The following CHPF2 variants were observed in gnomAD, a reference collection of about 807,000 sequenced individuals.
CHPF2 encodes chondroitin polymerizing factor 2.
Under a neutral mutation model 63.0 loss-of-function variants are expected in CHPF2, and 58 were observed. That is an observed-to-expected ratio of 0.92 (90% CI 0.75 to 1.15). CHPF2 has a LOEUF of 1.15. Ranked by LOEUF, CHPF2 falls within the 50% of genes most tolerant of loss-of-function variation. The pLI is 0.00. For missense variants in CHPF2, 1,045 were observed against 1,035.4 expected (o/e 1.01, Z -0.13); for synonymous variants, 442 against 438.0 (o/e 1.01, Z -0.11).
Position 151,236,495 on chromosome 7 carries a change from C to T in CHPF2, c.916C>T (p.His306Tyr), listed in dbSNP as rs1427977664. Residue 306 changes from histidine to tyrosine, a missense_variant, in exon 3 of 4, where the codon CAC (histidine) becomes TAC (tyrosine). Transcript: ENST00000035307. Reference protein sequence around the residue: ...SSAFLSAFAVHPVSEGTLMYR... With the variant: ...SSAFLSAFAVYPVSEGTLMYR... ...GGCTTTCCTGAGTGCCTTCGCCGTG[C>T]ACCCTGTCTCCGAAGGTACCCTCAT... 2 of 1,611,482 alleles carry T rather than the reference C, an allele frequency of 1.2e-6. No homozygotes were observed. The highest frequency in any genetic ancestry group is 1.3e-5 in the African/African-American group (1 of 75,028).
rs769785056 is a variant in CHPF2, at chr7:151,237,773, C to T, written c.1411C>T (p.Pro471Ser). 6.2e-7 allele frequency: 1 copy of T among 1,612,460 alleles called. No homozygotes were observed. The highest frequency in any genetic ancestry group is 8.5e-7 in the Non-Finnish European group (1 of 1,179,894). The change falls in exon 4 of 4, where the codon CCA (proline) becomes TCA (serine). Residue 471 changes from proline to serine, a missense_variant. Pro to Ser is a moderately conservative substitution (Grantham distance 74). Coordinates refer to ENST00000035307, the MANE Select transcript of CHPF2 (RefSeq NM_019015.3). ...GGCTCGCAGGGTCAGCCTGCTGCGG[C>T]CACTGAGCCGGGTGGAAATCCTACC... ...ALARRVSLLR[P>S]LSRVEILPMP... is the part of the protein sequence containing the mutation.
intron 3 of CHPF2, 105 bp downstream of exon 3, chr7:151,236,695 G>C: frequency 9.1e-7 from 1 of 1,104,952 alleles, no homozygotes; most frequent in Non-Finnish European, 1.3e-6. Context: ...GTGGGGCTGG[G>C]CTAGGCCCTG....
chr7:151,234,335 C>G, intron 1 of CHPF2, 61 bp downstream of exon 1: 1 of 1,300,104 alleles, frequency 7.7e-7, no homozygotes, highest in Non-Finnish European at 1.0e-6. Context: ...TGGTGTAAAT[C>G]CTTGCCTCTG....
rs79392353 is a variant in CHPF2 at position 151,236,331 on chromosome 7, A to T, written c.829-77A>T. On this transcript the variant is annotated intron_variant, in intron 2 of 3. Transcript: ENST00000035307. ...AACGCAGCAGTGCTAACAGATGTGA[A>T]CACTGAGTATGGTTAAGGGCGGTTT... The T allele has an allele frequency of 3.8e-3, 4,908 of 1,285,808 alleles. 121 individuals carry two copies. In the African/African-American group the frequency reaches 0.058, roughly 15 times the overall value. 79.6% of individuals were successfully genotyped at this position (1,285,808 alleles called of 1,614,324 possible).
At position 151,235,513 on chromosome 7, in the gene CHPF2, G is replaced by A. The variant is rs1209720392; in HGVS notation, c.729G>A (p.Leu243=). The stretch of plus-strand genomic sequence containing the variant: ...TCCTGCTTCGTCTGCGGCCACATCT[G>A]GATGGCTGCCGAGGAGACATTCTCA... ...RSLLLRLRPH[L]DGCRGDILSA... is the part of the protein sequence containing the mutation. The change falls in exon 2 of 4, where the codon CTG becomes CTA. Residue 243 remains leucine (L), a synonymous_variant. Transcript: ENST00000035307. 1 of 1,611,456 alleles carries A rather than the reference G, an allele frequency of 6.2e-7. No individual in the cohort carries two copies. Among genetic ancestry groups the A allele is most frequent in the South Asian group, 1.1e-5 (1 of 91,084 alleles).
At position 151,236,627 on chromosome 7, in the gene CHPF2, G is replaced by A. The variant is rs543115922; in HGVS notation, c.1011+37G>A. ...AGGAGCAGGTGGGCAGAGGACCGCA[G>A]TCAGAGGGTCAGAGAGAGCCTGAGA... On this transcript the variant is annotated intron_variant, in intron 3 of 3. Transcript: ENST00000035307. The A allele has an allele frequency of 5.8e-5, 87 of 1,492,816 alleles. 1 individual carries two copies. In the South Asian group the frequency reaches 1.1e-3, roughly 19 times the overall value. 92.5% of individuals were successfully genotyped at this position (1,492,816 alleles called of 1,614,324 possible).
chr7:151,234,610 G>A (rs1213265106), intron 1 of CHPF2, among the ~76,000 whole-genome samples: 1 of 152,122 alleles, frequency 6.6e-6, no homozygotes, highest in Non-Finnish European at 1.5e-5. Context: ...TCCTGCCTCA[G>A]CCTTGCGAGT....
Position 151,238,581 on chromosome 7 carries a change from A to G in CHPF2, c.2219A>G (p.Glu740Gly), listed in dbSNP as rs753160197. Residue 740 changes from glutamate to glycine, a missense_variant, in exon 4 of 4, where the codon GAA becomes GGA. Transcript: ENST00000035307. ...GACTGCAGCCCACGGCTCAGTGAAG[A>G]ACTCTACCACCGCTGCCGCCTCAGC... Reference protein sequence around the residue: ...LRDCSPRLSEELYHRCRLSNL... With the variant: ...LRDCSPRLSEGLYHRCRLSNL... 1.4e-5 allele frequency: 23 copies of G among 1,613,096 alleles called. No homozygotes were observed. Among genetic ancestry groups the G allele is most frequent in the Non-Finnish European group, 1.9e-5 (23 of 1,179,554 alleles).
In CHPF2 at chr7:151,233,009, G is replaced by T; in HGVS notation, c.-1003G>T. 1.6e-6 allele frequency: 2 copies of T among 1,274,988 alleles called. No homozygotes were observed. Among genetic ancestry groups the T allele is most frequent in the Non-Finnish European group, 2.0e-6 (2 of 1,010,022 alleles). 79.0% of individuals were successfully genotyped at this position (1,274,988 alleles called of 1,614,324 possible). On this transcript the variant is annotated 5_prime_UTR_variant, in exon 1 of 4. The change creates a new upstream start codon in the 5' untranslated region. Transcript: ENST00000035307. ...TCTCTGATCGCCGAGAGGTAGCGCA[G>T]GGGCTGTGGGCCCCCGGCAGGGGTC... is the stretch of plus-strand genomic sequence containing the variant.
At position 151,233,459 on chromosome 7, in the gene CHPF2, C is replaced by A; in HGVS notation, c.-553C>A. 1.0e-6 allele frequency: 1 copy of A among 985,698 alleles called. No homozygotes were observed. The highest frequency in any genetic ancestry group is 4.7e-5 in the South Asian group (1 of 21,300). The allele number at this position is 985,698 out of a possible 1,614,324, so 61.1% of individuals were successfully genotyped here. Reference sequence around the variant, plus strand: ...CTTCCCTTGTGCCCACCGGGCCTGCCGCAGTGGCTCAGCAGCCCCTTCAGT... The same window carrying A: ...CTTCCCTTGTGCCCACCGGGCCTGCAGCAGTGGCTCAGCAGCCCCTTCAGT... On this transcript the variant is annotated 5_prime_UTR_variant, in exon 1 of 4. Transcript: ENST00000035307.
Position 151,237,785 on chromosome 7 carries a change from G to A in CHPF2, c.1423G>A (p.Val475Met), listed in dbSNP as rs1167589526. The A allele has an allele frequency of 1.9e-6, 3 of 1,612,436 alleles. No individual in the cohort carries two copies. The highest frequency in any genetic ancestry group is 2.7e-5 in the African/African-American group (2 of 74,940). Residue 475 changes from valine to methionine, a missense_variant, in exon 4 of 4, where the codon GTG becomes ATG. Val to Met is a conservative substitution (Grantham distance 21). Coordinates refer to ENST00000035307, the MANE Select transcript of CHPF2 (RefSeq NM_019015.3). ...RVSLLRPLSRVEILPMPYVTE... is the reference protein window; with the variant it reads ...RVSLLRPLSRMEILPMPYVTE... ...CAGCCTGCTGCGGCCACTGAGCCGGGTGGAAATCCTACCTATGCCCTATGT... is the reference window on the plus strand; with the variant it reads ...CAGCCTGCTGCGGCCACTGAGCCGGATGGAAATCCTACCTATGCCCTATGT...
intron 2 of CHPF2, 85 bp from the exon 3 acceptor site, chr7:151,236,323 A>G: frequency 8.2e-7 from 1 of 1,214,756 alleles, no homozygotes; most frequent in Admixed American, 2.4e-5. Flanking sequence ...CAGTGCTAAC[A>G]GATGTGAACA....
Position 151,237,817 on chromosome 7 carries a change from G to T in CHPF2, c.1455G>T (p.Glu485Asp). The T allele has an allele frequency of 6.2e-7, 1 of 1,612,684 alleles. No homozygotes were observed. The change falls in exon 4 of 4, where the codon GAG (glutamate) becomes GAT (aspartate). Residue 485 changes from glutamate (E) to aspartate (D), a missense_variant. Transcript: ENST00000035307. ...VEILPMPYVT[E>D]ATRVQLVLPL... ...TCCTACCTATGCCCTATGTCACTGA[G>T]GCCACCCGAGTGCAGCTGGTGCTGC...
chr7:151,232,689 G>A lies in CHPF2; in HGVS notation c.-1323G>A. On this transcript the variant is annotated 5_prime_UTR_variant, in exon 1 of 4. Coordinates refer to ENST00000035307, the MANE Select transcript of CHPF2 (RefSeq NM_019015.3). ...GGCCGTCCTTTATCCGGTGTCCGCC[G>A]GCCCCCGGCCCTGAAACCCGGGCCT... 1 of 1,432,046 alleles carries A rather than the reference G, an allele frequency of 7.0e-7. No homozygotes were observed. Among genetic ancestry groups the A allele is most frequent in the Non-Finnish European group, 9.3e-7 (1 of 1,075,388 alleles). 88.7% of individuals were successfully genotyped at this position (1,432,046 alleles called of 1,614,324 possible). A position where few individuals can be genotyped will look rare whatever the true frequency, so the allele number is the denominator to read the frequency against.
In CHPF2 at chr7:151,238,344, G is replaced by C. The variant is rs3748098; in HGVS notation, c.1982G>C (p.Gly661Ala). 137,726 of 1,609,088 alleles carry C rather than the reference G, an allele frequency of 0.086. 6,601 individuals are homozygous for C. Among genetic ancestry groups the C allele is most frequent in the Admixed American group, 0.14 (8,635 of 59,736 alleles). ...GADPSRGAPIGGRFDRQASAE... is the reference protein window; with the variant it reads ...GADPSRGAPIAGRFDRQASAE... ...GACCCCTCCCGGGGGGCTCCTATAG[G>C]GGGGAGATTTGACCGGCAGGCTTCT... Residue 661 changes from glycine (G) to alanine (A), a missense_variant, in exon 4 of 4, where the codon GGG becomes GCG. By Grantham distance (60) the Gly-to-Ala change is moderately conservative (BLOSUM62 0). Coordinates refer to ENST00000035307, the MANE Select transcript of CHPF2 (RefSeq NM_019015.3).
Position 151,233,715 on chromosome 7 carries a change from G to A in CHPF2, c.-297G>A, listed in dbSNP as rs1378308987. ...GTTTTACTTCCTCCTCTTTTTAGTG[G>A]AAGACAGACCATAATCCCAGTGTGA... On this transcript the variant is annotated 5_prime_UTR_variant, in exon 1 of 4. Transcript: ENST00000035307. 7.0e-6 allele frequency: 8 copies of A among 1,136,822 alleles called. No individual in the cohort carries two copies. The highest frequency in any genetic ancestry group is 8.6e-6 in the Non-Finnish European group (8 of 928,026). The allele number at this position is 1,136,822 out of a possible 1,614,324, so 70.4% of individuals were successfully genotyped here. A position where few individuals can be genotyped will look rare whatever the true frequency, so the allele number is the denominator to read the frequency against.
chr7:151,234,565 C>T (rs1001785167), intron 1 of CHPF2, among the ~76,000 whole-genome samples: 2 of 152,180 alleles, frequency 1.3e-5, no homozygotes, highest in African/African-American at 4.8e-5. Flanking sequence ...GATATTGGCT[C>T]ACTGCAATCT....
In CHPF2 at chr7:151,232,840, G is replaced by A. The variant is rs1411480915; in HGVS notation, c.-1172G>A. On this transcript the variant is annotated 5_prime_UTR_variant, in exon 1 of 4. Coordinates refer to ENST00000035307, the MANE Select transcript of CHPF2 (RefSeq NM_019015.3). ...GTCTGTGCCCCAGTCTCCCAGCCGC[G>A]ACCTCCGACCCCGCCTCGCAGAACG... 2.8e-6 allele frequency: 4 copies of A among 1,451,258 alleles called. No homozygotes were observed. Among genetic ancestry groups the A allele is most frequent in the Non-Finnish European group, 3.6e-6 (4 of 1,106,404 alleles). The allele number at this position is 1,451,258 out of a possible 1,614,324, so 89.9% of individuals were successfully genotyped here.
intron 1 of CHPF2, among the ~76,000 whole-genome samples, chr7:151,234,801 G>A (rs1175437262): frequency 1.3e-5 from 2 of 152,116 alleles, no homozygotes; most frequent in East Asian, 3.9e-4. Flanking sequence ...AGGGTTCGAT[G>A]TTCTTGAACA....
Sources: gnomAD v4.1 joint callset for allele counts (sites outside exome capture counted in the v4.1 genomes callset) on GRCh38, gnomAD v4.1.1 for gene constraint, MANE v1.5 for transcripts, NCBI Gene and HGNC (gene_info 2026-07-23, HGNC 2026-07-21) for gene names.